IGF1R: variants seen among roughly 807,000 people sequenced by gnomAD.
IGF1R encodes insulin-like growth factor 1 receptor.
A neutral mutation model predicts 144.6 loss-of-function variants in IGF1R; 44 were observed. That is an observed-to-expected ratio of 0.30 (90% CI 0.24 to 0.39). The LOEUF is 0.39. Ranked by LOEUF, IGF1R falls within the 10% of genes least tolerant of loss-of-function variation. The pLI is 1.00. For missense variants in IGF1R, 1,355 were observed against 1,833.7 expected (o/e 0.74, Z 4.77); for synonymous variants, 795 against 722.8 (o/e 1.10, Z -1.60).
In IGF1R at chr15:98,834,083, C is replaced by T. The variant is rs1206092992; in HGVS notation, c.641-57242C>T. 2.6e-5 allele frequency among the ~76,000 whole-genome samples: 4 copies of T among 152,348 alleles called. No individual in the cohort carries two copies. The East Asian group carries it at 7.7e-4, about 29-fold the overall frequency. On this transcript the variant is annotated intron_variant, in intron 2 of 20. Transcript: ENST00000650285. ...AAAATCCTTCTTTACCCTTAATATC[C>T]TCTCCTCTGTCCCCAAGAAATTAAT...
chr15:98,863,008 C>CT (rs1439138894), intron 2 of IGF1R, among the ~76,000 whole-genome samples: 11 of 152,202 alleles, frequency 7.2e-5, no homozygotes, highest in Non-Finnish European at 1.0e-4. Context: ...ACTGATGTCC[C>CT]TTTTTTTGGT....
At chr15:98,762,881 A>G (rs563951587) in intron 2 of IGF1R, among the ~76,000 whole-genome samples, 13 of 151,932 alleles carry the variant, frequency 8.6e-5, no homozygotes, top group Admixed American at 2.6e-4. Flanking sequence ...CCCCATCTCT[A>G]CTAAAAATAC....
At chr15:98,723,747 G>A (rs1460305415) in intron 2 of IGF1R, among the ~76,000 whole-genome samples, 1 of 152,210 alleles carries the variant, frequency 6.6e-6, no homozygotes, top group Non-Finnish European at 1.5e-5. Flanking sequence ...CTGGATACTA[G>A]CTCATTAAAC....
At position 98,922,367 on chromosome 15, in the gene IGF1R, C is replaced by T. The variant is rs779878306; in HGVS notation, c.2421C>T (p.Asn807=). The T allele has an allele frequency of 6.2e-7, 1 of 1,614,190 alleles. No individual in the cohort carries two copies. The highest frequency in any genetic ancestry group is 2.2e-5 in the East Asian group (1 of 44,888). The change falls in exon 11 of 21, where the codon AAC becomes AAT. Residue 807 remains asparagine (N), a synonymous_variant. Coordinates refer to ENST00000650285, the MANE Select transcript of IGF1R (RefSeq NM_000875.5). The part of the protein sequence containing the change: ...TLYRIDIHSC[N]HEAEKLGCSA... ...ACCGCATCGATATCCACAGCTGCAACCACGAGGCTGAGAAGCTGGGCTGCA... is the reference window on the plus strand; with the variant it reads ...ACCGCATCGATATCCACAGCTGCAATCACGAGGCTGAGAAGCTGGGCTGCA...
chr15:98,885,919 C>T (rs1256713744), intron 2 of IGF1R, among the ~76,000 whole-genome samples: 1 of 150,884 alleles, frequency 6.6e-6, no homozygotes, highest in Non-Finnish European at 1.5e-5. Flanking sequence ...TGGGTTCAAA[C>T]GATTCTCCTG....
Position 98,934,915 on chromosome 15 carries a change from A to C in IGF1R, c.3048A>C (p.Gly1016=), listed in dbSNP as rs752830154. ...GGTCGTTTGGGATGGTCTATGAAGGAGTTGCCAAGGGTGTGGTGAAAGATG... is the reference window on the plus strand; with the variant it reads ...GGTCGTTTGGGATGGTCTATGAAGGCGTTGCCAAGGGTGTGGTGAAAGATG... ...GQGSFGMVYE[G]VAKGVVKDEP... Residue 1016 remains glycine, a synonymous_variant, in exon 16 of 21, where the codon GGA becomes GGC. Transcript: ENST00000650285. 3 of 1,614,030 alleles carry C rather than the reference A, an allele frequency of 1.9e-6. No individual in the cohort carries two copies. Among genetic ancestry groups the C allele is most frequent in the Non-Finnish European group, 2.5e-6 (3 of 1,180,042 alleles).
Position 98,960,416 on chromosome 15 carries a change from C to A in IGF1R, c.*2974C>A. The stretch of plus-strand genomic sequence containing the variant: ...ACACCTGGGGGAGCCACCAGGCTGT[C>A]CCTGGCTGGTTGTCTTTGGAACAAA... On this transcript the variant is annotated 3_prime_UTR_variant, in exon 21 of 21. Transcript: ENST00000650285. 1 of 233,340 alleles carries A rather than the reference C, an allele frequency of 4.3e-6. No individual in the cohort carries two copies. Among genetic ancestry groups the A allele is most frequent in the East Asian group, 6.0e-5 (1 of 16,580 alleles). 14.5% of individuals were successfully genotyped at this position (233,340 alleles called of 1,614,324 possible).
rs537769685 is a variant in IGF1R at position 98,958,379 on chromosome 15, G to GC, written c.*941dup. ...TGGCGGACAGGCTTGGAGTCAAGGG[G>GC]CCCCATGCCTGCTTCTCTCCCAGCC... On this transcript the variant is annotated 3_prime_UTR_variant, in exon 21 of 21. Transcript: ENST00000650285. 220 of 223,948 alleles carry GC rather than the reference G, an allele frequency of 9.8e-4. 1 individual carries two copies. The highest frequency in any genetic ancestry group is 6.3e-3 in the South Asian group (34 of 5,414). 13.9% of individuals were successfully genotyped at this position (223,948 alleles called of 1,614,324 possible).
In IGF1R at chr15:98,957,497, G is replaced by C. The variant is rs140896443; in HGVS notation, c.*55G>C. ...AACGTGTGCGCACGCGCAGCGGGGT[G>C]GGGGGGGAGAGAGAGTTTTAACAAT... On this transcript the variant is annotated 3_prime_UTR_variant, in exon 21 of 21. Transcript: ENST00000650285. 1,118 of 1,562,122 alleles carry C rather than the reference G, an allele frequency of 7.2e-4. 5 individuals are homozygous for C. Among genetic ancestry groups the C allele is most frequent in the Middle Eastern group, 2.1e-3 (10 of 4,704 alleles).
intron 1 of IGF1R, among the ~76,000 whole-genome samples, chr15:98,653,675 TA>T (rs1269691347): frequency 1.3e-5 from 2 of 152,246 alleles, no homozygotes; most frequent in Non-Finnish European, 2.9e-5. Context: ...TATCCAGATT[TA>T]CCCTGGCCTT....
chr15:98,687,216 G>A (rs1001575499), intron 1 of IGF1R, among the ~76,000 whole-genome samples: 3 of 152,198 alleles, frequency 2.0e-5, no homozygotes, highest in Non-Finnish European at 2.9e-5. Context: ...TTCCAGCTGC[G>A]CATGGGATCA....
chr15:98,721,573 A>G (rs1211953481), intron 2 of IGF1R, among the ~76,000 whole-genome samples: 1 of 152,178 alleles, frequency 6.6e-6, no homozygotes, highest in African/African-American at 2.4e-5. Context: ...GACCAGAGTG[A>G]GAAATCTTGG....
intron 7 of IGF1R, among the ~76,000 whole-genome samples, chr15:98,912,338 G>A (rs928295089): frequency 6.6e-6 from 1 of 152,236 alleles, no homozygotes; most frequent in Non-Finnish European, 1.5e-5. Flanking sequence ...ACACAGGGGA[G>A]CCCCTCATGA....
chr15:98,923,843 A>C (rs201096430), intron 11 of IGF1R, 33 bp from the exon 12 acceptor site: 424 of 1,610,060 alleles, frequency 2.6e-4, no homozygotes, highest in African/African-American at 2.6e-3. Flanking sequence ...TGGGAACCCA[A>C]ATCCAACTTT....
chr15:98,776,493 A>C (rs1376106031), intron 2 of IGF1R, among the ~76,000 whole-genome samples: 1 of 152,008 alleles, frequency 6.6e-6, no homozygotes, highest in African/African-American at 2.4e-5. Context: ...GCCAGATTTT[A>C]TTTCTTTAAA....
rs142020620 is a variant in IGF1R at position 98,814,432 on chromosome 15, C to T, written c.641-76893C>T. 2.9e-3 allele frequency among the ~76,000 whole-genome samples: 449 copies of T among 152,244 alleles called. 4 individuals are homozygous for T. The highest frequency in any genetic ancestry group is 0.01 in the African/African-American group (435 of 41,544). On this transcript the variant is annotated intron_variant, in intron 2 of 20. Coordinates refer to ENST00000650285, the MANE Select transcript of IGF1R (RefSeq NM_000875.5). ...GTGGCACCATCATAGCTCACTGCAACCTCAAACTCCTGGGCTTAAGCGATC... is the reference window on the plus strand; with the variant it reads ...GTGGCACCATCATAGCTCACTGCAATCTCAAACTCCTGGGCTTAAGCGATC...
chr15:98,677,172 A>G (rs1009669849), intron 1 of IGF1R, among the ~76,000 whole-genome samples: 1 of 152,028 alleles, frequency 6.6e-6, no homozygotes, highest in Non-Finnish European at 1.5e-5. Context: ...CATGACCTCA[A>G]GTGATCCTCC....
chr15:98,764,865 C>T (rs7175387), intron 2 of IGF1R, among the ~76,000 whole-genome samples: 36,337 of 151,862 alleles, frequency 0.24, 4,597 homozygotes, highest in East Asian at 0.39. Context: ...TCAGTGACAT[C>T]TAGTATATTC....
chr15:98,810,579 G>C (rs1367700406), intron 2 of IGF1R, among the ~76,000 whole-genome samples: 1 of 147,764 alleles, frequency 6.8e-6, no homozygotes, highest in Non-Finnish European at 1.5e-5. Flanking sequence ...TTGAGACGGA[G>C]TCTCTGTAGC....
Sources: gnomAD v4.1 joint callset for allele counts (sites outside exome capture counted in the v4.1 genomes callset) on GRCh38, gnomAD v4.1.1 for gene constraint, MANE v1.5 for transcripts, NCBI Gene and HGNC (gene_info 2026-07-23, HGNC 2026-07-21) for gene names.